EFNA5: variants seen among roughly 807,000 people sequenced by gnomAD.
EFNA5 encodes ephrin A5, also known as ephrin-A5.
Under a neutral mutation model 22.9 loss-of-function variants are expected in EFNA5, and 5 were observed. The ratio of observed to expected loss-of-function variants is 0.22; its 90% confidence interval spans 0.11 to 0.46. EFNA5 has a LOEUF of 0.46. Among genes scored for constraint, EFNA5 ranks in the 20% least tolerant of loss-of-function variants. EFNA5 has a pLI of 0.99. For missense variants in EFNA5, 237 were observed against 293.3 expected (o/e 0.81, Z 1.40); for synonymous variants, 113 against 112.2 (o/e 1.01, Z -0.04).
chr5:107,542,947 A>G (rs1183576853), intron 1 of EFNA5, among the ~76,000 whole-genome samples: 1 of 152,188 alleles, frequency 6.6e-6, no homozygotes, highest in African/African-American at 2.4e-5. Flanking sequence ...GGGAAGAAAG[A>G]TGGTCATAAA....
chr5:107,645,899 G>A (rs1005631453), intron 1 of EFNA5, among the ~76,000 whole-genome samples: 2 of 152,198 alleles, frequency 1.3e-5, no homozygotes, highest in Admixed American at 6.5e-5. Flanking sequence ...GCCTGAAGCC[G>A]TCACCTGTTT....
intron 2 of EFNA5, among the ~76,000 whole-genome samples, chr5:107,422,495 A>G (rs1748696267): frequency 6.6e-6 from 1 of 152,218 alleles, no homozygotes; most frequent in Admixed American, 6.5e-5. Flanking sequence ...GGATAAAGAC[A>G]TTGTTTGAAC....
chr5:107,590,644 C>T (rs1237346899), intron 1 of EFNA5, among the ~76,000 whole-genome samples: 2 of 152,096 alleles, frequency 1.3e-5, no homozygotes, highest in African/African-American at 2.4e-5. Flanking sequence ...CCTCCCACCT[C>T]AGCCTCCCAA....
chr5:107,632,494 C>T (rs965878678), intron 1 of EFNA5, among the ~76,000 whole-genome samples: 1 of 152,092 alleles, frequency 6.6e-6, no homozygotes, highest in African/African-American at 2.4e-5. Flanking sequence ...CAACTATTTA[C>T]TTTTTTACTC....
In EFNA5 at chr5:107,660,277, T is replaced by TATATATATATATAA. The variant is rs1561462885; in HGVS notation, c.125+10211_125+10212insTTATATATATATAT. Among the ~76,000 whole-genome samples the TATATATATATATAA allele has an allele frequency of 3.3e-4, 13 of 39,538 alleles. 1 individual carries two copies. The highest frequency in any genetic ancestry group is 5.9e-4 in the Non-Finnish European group (12 of 20,408). The allele number at this position is 39,538 out of a possible 152,430, so 25.9% of individuals were successfully genotyped here. A position where few individuals can be genotyped will look rare whatever the true frequency, so the allele number is the denominator to read the frequency against. On this transcript the variant is annotated intron_variant, in intron 1 of 4. Transcript: ENST00000333274. ...TGGCAAAAACATATATATATATATA[T>TATATATATATATAA]ATATATATATATATATATATATATA...
In EFNA5 at chr5:107,633,559, C is replaced by G. The variant is rs1750306010; in HGVS notation, c.125+36930G>C. Among the ~76,000 whole-genome samples the G allele has an allele frequency of 2.0e-5, 3 of 152,212 alleles. No individual in the cohort carries two copies. In the South Asian group the frequency reaches 6.2e-4, roughly 32 times the overall value. ...CCACTTGTGAGCACCATCAATTATG[C>G]ACTAGAATAACAGGGGCTGGCCAGG... On this transcript the variant is annotated intron_variant, in intron 1 of 4. Coordinates refer to ENST00000333274, the MANE Select transcript of EFNA5 (RefSeq NM_001962.3).
intron 1 of EFNA5, among the ~76,000 whole-genome samples, chr5:107,476,583 T>C (rs1159393169): frequency 6.6e-6 from 1 of 152,164 alleles, no homozygotes; most frequent in East Asian, 1.9e-4. Context: ...AATAGGGATA[T>C]CTGACAGAAT....
chr5:107,413,607 T>C (rs1748427555), intron 2 of EFNA5, among the ~76,000 whole-genome samples: 1 of 152,212 alleles, frequency 6.6e-6, no homozygotes, highest in Non-Finnish European at 1.5e-5. Context: ...TCACTTGATA[T>C]CTTGCCTGTT....
intron 1 of EFNA5, among the ~76,000 whole-genome samples, chr5:107,665,031 C>T (rs1418839817): frequency 2.0e-5 from 3 of 152,126 alleles, no homozygotes; most frequent in Non-Finnish European, 4.4e-5. Flanking sequence ...AGCCACTAGA[C>T]CAAATGCTAC....
rs574754578 is a variant in EFNA5 at position 107,445,742 on chromosome 5, T to A, written c.126-18233A>T. On this transcript the variant is annotated intron_variant, in intron 1 of 4. Transcript: ENST00000333274. ...CACTAATAGGCGTCCTCTGAACCAC[T>A]TGGGAGGTGTCACTAATAAAAAGTG... Among the ~76,000 whole-genome samples the A allele has an allele frequency of 2.0e-5, 3 of 152,286 alleles. No homozygotes were observed. The East Asian group carries it at 5.8e-4, about 29-fold the overall frequency.
chr5:107,636,908 C>T (rs1281528413), intron 1 of EFNA5, among the ~76,000 whole-genome samples: 1 of 152,152 alleles, frequency 6.6e-6, no homozygotes, highest in Admixed American at 6.5e-5. Context: ...TAGTGTTTTA[C>T]AAATATTTCA....
At chr5:107,625,396 A>G (rs1385253250) in intron 1 of EFNA5, among the ~76,000 whole-genome samples, 2 of 152,108 alleles carry the variant, frequency 1.3e-5, no homozygotes, top group African/African-American at 4.8e-5. Flanking sequence ...TGTACAAAGC[A>G]GAACAAAGAA....
chr5:107,519,801 A>C (rs1426847577), intron 1 of EFNA5, among the ~76,000 whole-genome samples: 1 of 152,224 alleles, frequency 6.6e-6, no homozygotes, highest in Non-Finnish European at 1.5e-5. Context: ...TAAGAAAAGG[A>C]GAGCAGTTAG....
intron 1 of EFNA5, among the ~76,000 whole-genome samples, chr5:107,661,126 A>G (rs531150060): frequency 1.6e-4 from 22 of 139,428 alleles, no homozygotes; most frequent in East Asian, 1.2e-3. Flanking sequence ...AAAAAAAAAA[A>G]AAGAAGAAGA....
chr5:107,476,613 T>C (rs1459230414), intron 1 of EFNA5, among the ~76,000 whole-genome samples: 1 of 152,158 alleles, frequency 6.6e-6, no homozygotes, highest in Non-Finnish European at 1.5e-5. Flanking sequence ...AACATTTCAT[T>C]AGCTTTCTAT....
intron 1 of EFNA5, among the ~76,000 whole-genome samples, chr5:107,473,724 G>A (rs113310726): frequency 2.7e-5 from 4 of 146,744 alleles, no homozygotes; most frequent in African/African-American, 1.0e-4. Context: ...CAAATGGTGT[G>A]ATCTCGGCTC....
At chr5:107,493,684 T>G (rs1746877626) in intron 1 of EFNA5, among the ~76,000 whole-genome samples, 1 of 152,230 alleles carries the variant, frequency 6.6e-6, no homozygotes, top group South Asian at 2.1e-4. Flanking sequence ...GGCAAACAGG[T>G]TAACTTCAGT....
chr5:107,608,726 C>T (rs1472009669), intron 1 of EFNA5, among the ~76,000 whole-genome samples: 2 of 152,182 alleles, frequency 1.3e-5, no homozygotes, highest in East Asian at 1.9e-4. Context: ...TCACCTTTCA[C>T]AAAGTGTCAG....
At chr5:107,407,040 C>A (rs990711703) in intron 2 of EFNA5, among the ~76,000 whole-genome samples, 14 of 152,188 alleles carry the variant, frequency 9.2e-5, no homozygotes, top group Non-Finnish European at 1.8e-4. Flanking sequence ...TATTTTTCAA[C>A]ATATACTAGG....
Sources: gnomAD v4.1 joint callset for allele counts (sites outside exome capture counted in the v4.1 genomes callset) on GRCh38, gnomAD v4.1.1 for gene constraint, MANE v1.5 for transcripts, NCBI Gene and HGNC (gene_info 2026-07-23, HGNC 2026-07-21) for gene names.